The following PIEZO1 variants were observed in gnomAD, a reference collection of about 807,000 sequenced individuals.
The protein encoded by PIEZO1 is piezo type mechanosensitive ion channel component 1 (Er blood group).
PIEZO1 carries 296 observed loss-of-function variants against 297.2 expected under a neutral mutation model. The ratio of observed to expected loss-of-function variants is 1.00; its 90% confidence interval spans 0.91 to 1.10. The LOEUF (loss-of-function observed/expected upper bound fraction) is 1.10. Among genes scored for constraint, PIEZO1 ranks in the 50% least tolerant of loss-of-function variants. PIEZO1 has a pLI of 0.00. For synonymous variants in PIEZO1, 2,427 were observed against 1,507.5 expected, an observed-to-expected ratio of 1.61 and a Z score of -14.13; for missense variants, 5,018 against 3,455.5, an observed-to-expected ratio of 1.45 and a Z score of -11.34.
chr16:88,782,534 G>C (rs74035813), intron 1 of PIEZO1, among the ~76,000 whole-genome samples: 2,104 of 152,306 alleles, frequency 0.014, 43 homozygotes, highest in African/African-American at 0.047. Flanking sequence ...CCAGATTTTT[G>C]GGTAATGATC....
At chr16:88,743,320 G>T (rs147212032) in intron 2 of PIEZO1, 8 of 456,108 alleles carry the variant, frequency 1.8e-5, no homozygotes, top group Admixed American at 4.7e-5. Flanking sequence ...ACCGGGTTCT[G>T]AGTCCTGACA....
In PIEZO1 at chr16:88,720,759, A is replaced by G. The variant is rs1374686462; in HGVS notation, c.5669-11T>C. On this transcript the variant is annotated splice_polypyrimidine_tract_variant and intron_variant, in intron 39 of 50. Transcript: ENST00000301015. ...CCCTGTCCTCAGCTTCTGTAGGGAA[A>G]AGCTGACTTCTGCCTGGGCCCCCTG... The G allele has an allele frequency of 1.4e-6, 2 of 1,473,314 alleles. No individual in the cohort carries two copies. Among genetic ancestry groups the G allele is most frequent in the Non-Finnish European group, 9.0e-7 (1 of 1,112,968 alleles). 91.3% of individuals were successfully genotyped at this position (1,473,314 alleles called of 1,614,324 possible).
intron 1 of PIEZO1, among the ~76,000 whole-genome samples, chr16:88,782,628 G>A (rs914338306): frequency 7.9e-5 from 12 of 152,236 alleles, no homozygotes; most frequent in Admixed American, 5.9e-4. Flanking sequence ...AGCCAGCGCA[G>A]GCACACACTG....
At chr16:88,773,863 C>T (rs529630683) in intron 1 of PIEZO1, among the ~76,000 whole-genome samples, 9 of 152,278 alleles carry the variant, frequency 5.9e-5, no homozygotes, top group South Asian at 4.1e-4. Context: ...AGGGCCCCAC[C>T]GGAGCTTGCT....
At position 88,723,085 on chromosome 16, in the gene PIEZO1, G is replaced by C; in HGVS notation, c.4495+10C>G. On this transcript the variant is annotated intron_variant, in intron 33 of 50. Transcript: ENST00000301015. ...GAGACCTCCCACTCCCCAGCCCCGG[G>C]CCCACGTACCTGCCGCTGCCTCCTC... 6.5e-7 allele frequency: 1 copy of C among 1,547,170 alleles called. No individual in the cohort carries two copies.
In PIEZO1 at chr16:88,720,409, G is replaced by A. The variant is rs1445008398; in HGVS notation, c.5925C>T (p.Ile1975=). ...CCCCAAAGGCCCAGAAGCCAAAAAT[G>A]ATGATGATGAAGTCGACAACATCAG... The part of the protein sequence containing the change: ...FLADVVDFII[I]IFGFWAFGKH... Residue 1975 remains isoleucine (I), a synonymous_variant, in exon 41 of 51, where the codon ATC becomes ATT. Coordinates refer to ENST00000301015, the MANE Select transcript of PIEZO1 (RefSeq NM_001142864.4). The A allele has an allele frequency of 3.2e-6, 5 of 1,550,434 alleles. No homozygotes were observed. Among genetic ancestry groups the A allele is most frequent in the African/African-American group, 1.4e-5 (1 of 73,174 alleles).
chr16:88,723,640 C>G (rs934615892), intron 31 of PIEZO1, among the ~76,000 whole-genome samples: 1 of 152,260 alleles, frequency 6.6e-6, no homozygotes, highest in African/African-American at 2.4e-5. Flanking sequence ...GCCACCAGAA[C>G]CTGGGTGGTC....
At position 88,727,204 on chromosome 16, in the gene PIEZO1, A is replaced by C. The variant is rs575136082; in HGVS notation, c.3302-12T>G. On this transcript the variant is annotated splice_polypyrimidine_tract_variant and intron_variant, in intron 23 of 50. Coordinates refer to ENST00000301015, the MANE Select transcript of PIEZO1 (RefSeq NM_001142864.4). ...CAGGAGAAAGTCGCCTGCAGGACAC[A>C]GGAGCCGCCGCTGTGCCACACGGGG... 29 of 1,526,110 alleles carry C rather than the reference A, an allele frequency of 1.9e-5. 1 individual carries two copies. The South Asian group carries it at 3.4e-4, about 18-fold the overall frequency. 94.5% of individuals were successfully genotyped at this position (1,526,110 alleles called of 1,614,324 possible).
intron 30 of PIEZO1, among the ~76,000 whole-genome samples, chr16:88,724,531 CAA>C (rs374217979): frequency 5.8e-4 from 58 of 99,328 alleles, no homozygotes; most frequent in Admixed American, 5.0e-4. Flanking sequence ...ACACCGTCTC[CAA>C]AAAAAAAAAA....
intron 2 of PIEZO1, among the ~76,000 whole-genome samples, chr16:88,749,023 G>A (rs895024753): frequency 2.0e-5 from 3 of 150,764 alleles, no homozygotes; most frequent in African/African-American, 4.9e-5. Context: ...GGATCACAAG[G>A]TCAGGAGATC....
rs769629472 is a variant in PIEZO1, at chr16:88,731,881, G to C, written c.3021C>G (p.Ile1007Met). 26 of 1,294,292 alleles carry C rather than the reference G, an allele frequency of 2.0e-5. No individual in the cohort carries two copies. The African/African-American group carries it at 7.8e-4, about 39-fold the overall frequency. The allele number at this position is 1,294,292 out of a possible 1,614,324, so 80.2% of individuals were successfully genotyped here. The change falls in exon 22 of 51, where the codon ATC (isoleucine) becomes ATG (methionine). Residue 1007 changes from isoleucine to methionine, a missense_variant. Transcript: ENST00000301015. ...TCACCAGAAAGTTCATGCGCTGCCC[G>C]ATCACGTTCACGGCCATCAGGAAGC... is the stretch of plus-strand genomic sequence containing the variant. ...EICFLMAVNVIGQRMNFLVTL... is the reference protein window; with the variant it reads ...EICFLMAVNVMGQRMNFLVTL...
Position 88,717,088 on chromosome 16 carries a change from A to C in PIEZO1, c.6595T>G (p.Ser2199Ala). The change falls in exon 45 of 51, where the codon TCC (serine) becomes GCC (alanine). Residue 2199 changes from serine (S) to alanine (A), a missense_variant. Ser to Ala is a moderately conservative substitution (Grantham distance 99). Transcript: ENST00000301015. Reference protein sequence around the residue: ...FPLLFMSLVRSVVGVVNQPID... With the variant: ...FPLLFMSLVRAVVGVVNQPID... ...GGCTGGTTGACAACCCCAACCACGG[A>C]GCGCACCAGCGACATGAAGAGCAGT... 1 of 1,551,222 alleles carries C rather than the reference A, an allele frequency of 6.4e-7. No individual in the cohort carries two copies. Among genetic ancestry groups the C allele is most frequent in the Non-Finnish European group, 8.7e-7 (1 of 1,147,134 alleles).
intron 1 of PIEZO1, among the ~76,000 whole-genome samples, chr16:88,784,434 A>AG (rs1908080386): frequency 6.6e-6 from 1 of 151,096 alleles, no homozygotes; most frequent in Non-Finnish European, 1.5e-5. Context: ...AAACAGCTCC[A>AG]GGCAGGAAGC....
intron 1 of PIEZO1, among the ~76,000 whole-genome samples, chr16:88,765,724 G>C (rs1164100915): frequency 2.0e-5 from 3 of 150,306 alleles, no homozygotes; most frequent in African/African-American, 4.9e-5. Context: ...GCCCAGGCTG[G>C]AGTGCAGTGG....
chr16:88,733,377 G>A lies in PIEZO1; in HGVS notation c.2565C>T (p.Ser855=), dbSNP rs1453145626. 1 of 1,550,102 alleles carries A rather than the reference G, an allele frequency of 6.5e-7. No homozygotes were observed. Among genetic ancestry groups the A allele is most frequent in the Non-Finnish European group, 8.7e-7 (1 of 1,146,874 alleles). The change falls in exon 19 of 51, where the codon TCC becomes TCT. Residue 855 remains serine (S), a synonymous_variant. Transcript: ENST00000301015. ...LPYPRFRPMA[S]CLSTVWTCVI... ...CGCAGGTCCACACGGTGGACAGGCA[G>A]GAGGCCATGGGCCGGAAGCGTGGGT...
At chr16:88,775,694 A>G (rs2142905207) in intron 1 of PIEZO1, among the ~76,000 whole-genome samples, 1 of 147,128 alleles carries the variant, frequency 6.8e-6, no homozygotes, top group East Asian at 2.0e-4. Context: ...GTGCCACTCC[A>G]CTACAGCCTG....
chr16:88,742,219 C>T lies in PIEZO1; in HGVS notation c.283+81G>A, dbSNP rs186953620. The T allele has an allele frequency of 1.7e-4, 262 of 1,499,998 alleles. 1 individual carries two copies. The highest frequency in any genetic ancestry group is 1.2e-3 in the South Asian group (97 of 80,016). 92.9% of individuals were successfully genotyped at this position (1,499,998 alleles called of 1,614,324 possible). ...CATAAATCAGGCTGAGTCAACCCCC[C>T]CAGGAGACTCGGGGTCACTGCAGGG... is the stretch of plus-strand genomic sequence containing the variant. On this transcript the variant is annotated intron_variant, in intron 3 of 50. Coordinates refer to ENST00000301015, the MANE Select transcript of PIEZO1 (RefSeq NM_001142864.4).
chr16:88,719,284 G>T (rs1381817217), intron 44 of PIEZO1: 4 of 394,862 alleles, frequency 1.0e-5, no homozygotes, highest in Non-Finnish European at 1.4e-5. Flanking sequence ...AAACAAGAAT[G>T]CAGCAAACAG....
intron 2 of PIEZO1, among the ~76,000 whole-genome samples, chr16:88,744,755 A>G (rs1905929726): frequency 6.6e-6 from 1 of 151,894 alleles, no homozygotes; most frequent in East Asian, 1.9e-4. Flanking sequence ...GCAGGGTCGA[A>G]GGGGCCGCAG....
Sources: allele counts gnomAD v4.1 joint callset (sites outside exome capture counted in the v4.1 genomes callset), GRCh38; gene constraint gnomAD v4.1.1; transcripts MANE v1.5; gene names NCBI Gene and HGNC (gene_info 2026-07-23, HGNC 2026-07-21).